The following PRKAG2 variants were observed in gnomAD, a reference collection of about 807,000 sequenced individuals.
The protein encoded by PRKAG2 is protein kinase AMP-activated non-catalytic subunit gamma 2, also known as 5'-AMP-activated protein kinase subunit gamma-2.
PRKAG2 carries 26 observed loss-of-function variants against 69.6 expected under a neutral mutation model. The observed-to-expected ratio is 0.37, with a 90% CI of 0.27 to 0.52. PRKAG2 has a LOEUF of 0.52. Ranked by LOEUF, PRKAG2 falls within the 20% of genes least tolerant of loss-of-function variation. PRKAG2 has a pLI of 0.90. For synonymous variants in PRKAG2, 293 were observed against 285.0 expected, an observed-to-expected ratio of 1.03 and a Z score of -0.28; for missense variants, 557 against 740.0, an observed-to-expected ratio of 0.75 and a Z score of 2.87.
At chr7:151,691,484 T>TAA (rs56411327) in intron 3 of PRKAG2, among the ~76,000 whole-genome samples, 3 of 137,920 alleles carry the variant, frequency 2.2e-5, no homozygotes, top group African/African-American at 5.3e-5. Flanking sequence ...AAAAACTCAG[T>TAA]AAAAAAAAAA....
chr7:151,852,192 G>A (rs553804853), intron 1 of PRKAG2, among the ~76,000 whole-genome samples: 2 of 152,280 alleles, frequency 1.3e-5, no homozygotes, highest in African/African-American at 4.8e-5. Flanking sequence ...GGCTAGGGGG[G>A]ACAGAACCCT....
intron 1 of PRKAG2, among the ~76,000 whole-genome samples, chr7:151,846,265 C>T (rs998773518): frequency 1.3e-4 from 20 of 152,066 alleles, no homozygotes; most frequent in Non-Finnish European, 2.4e-4. Context: ...GTCAGGAGTT[C>T]GAGACCAGTC....
At chr7:151,725,478 C>T (rs760567525) in intron 3 of PRKAG2, among the ~76,000 whole-genome samples, 3 of 150,706 alleles carry the variant, frequency 2.0e-5, no homozygotes, top group Non-Finnish European at 2.9e-5. Flanking sequence ...CAGCCACGTG[C>T]GTGTACTTAA....
intron 5 of PRKAG2, among the ~76,000 whole-genome samples, chr7:151,605,909 G>A (rs1209410520): frequency 1.4e-5 from 2 of 141,570 alleles, no homozygotes; most frequent in African/African-American, 2.7e-5. Context: ...CTGCACTCCA[G>A]CCTGGCGACA....
chr7:151,644,580 T>G (rs1255918625), intron 4 of PRKAG2, among the ~76,000 whole-genome samples: 1 of 152,222 alleles, frequency 6.6e-6, no homozygotes, highest in Non-Finnish European at 1.5e-5. Context: ...TTTTGTCTAT[T>G]CATTCACCAG....
intron 15 of PRKAG2, 45 bp downstream of exon 15, chr7:151,560,479 C>T (rs1261439415): frequency 1.2e-6 from 2 of 1,613,854 alleles, no homozygotes; most frequent in Admixed American, 3.3e-5. Context: ...CTACCTCCCA[C>T]CCTTCCTAGA....
chr7:151,565,201 G>T, intron 13 of PRKAG2, 145 bp downstream of exon 13: 1 of 599,668 alleles, frequency 1.7e-6, no homozygotes, highest in Non-Finnish European at 2.7e-6. Flanking sequence ...TACTATAGAA[G>T]GTCTATAAAA....
intron 1 of PRKAG2, among the ~76,000 whole-genome samples, chr7:151,837,747 G>T (rs1298914373): frequency 1.3e-5 from 2 of 152,122 alleles, no homozygotes; most frequent in African/African-American, 2.4e-5. Context: ...ATTAATCACT[G>T]TTTCTGGCTG....
chr7:151,654,942 C>T (rs1829170427), intron 4 of PRKAG2, among the ~76,000 whole-genome samples: 1 of 152,218 alleles, frequency 6.6e-6, no homozygotes, highest in African/African-American at 2.4e-5. Context: ...ATCCACCCAC[C>T]TTGGCCTCTC....
chr7:151,564,381 G>T, intron 13 of PRKAG2, 157 bp from the exon 14 acceptor site: 1 of 703,602 alleles, frequency 1.4e-6, no homozygotes, highest in Non-Finnish European at 2.4e-6. Flanking sequence ...CTTACGACAT[G>T]CCATTGCTAC....
chr7:151,853,654 G>A (rs367957477), intron 1 of PRKAG2, among the ~76,000 whole-genome samples: 14 of 151,808 alleles, frequency 9.2e-5, no homozygotes, highest in Admixed American at 5.3e-4. Flanking sequence ...CAGCTACTCC[G>A]GAGGCTGAGG....
At chr7:151,868,519 T>G (rs918756285) in intron 1 of PRKAG2, among the ~76,000 whole-genome samples, 3 of 152,228 alleles carry the variant, frequency 2.0e-5, no homozygotes, top group Non-Finnish European at 4.4e-5. Context: ...ACGTCACAGC[T>G]CAGCTGCCCA....
At chr7:151,813,978 G>A (rs1209784063) in intron 1 of PRKAG2, among the ~76,000 whole-genome samples, 1 of 152,158 alleles carries the variant, frequency 6.6e-6, no homozygotes, top group African/African-American at 2.4e-5. Context: ...GCAAGGCCAG[G>A]CAAAGAATGA....
intron 1 of PRKAG2, among the ~76,000 whole-genome samples, chr7:151,787,692 C>A (rs2151818564): frequency 6.6e-6 from 1 of 151,654 alleles, no homozygotes. Context: ...TCCCTTCCCA[C>A]CAAAAAAAAT....
intron 4 of PRKAG2, among the ~76,000 whole-genome samples, chr7:151,643,270 C>A (rs911099298): frequency 6.6e-6 from 1 of 152,168 alleles, no homozygotes; most frequent in Non-Finnish European, 1.5e-5. Flanking sequence ...GTTCATCTAA[C>A]CTTTCAATTC....
intron 3 of PRKAG2, among the ~76,000 whole-genome samples, chr7:151,705,636 C>A (rs187623131): frequency 6.6e-6 from 1 of 152,188 alleles, no homozygotes; most frequent in African/African-American, 2.4e-5. Flanking sequence ...GAAAGCAATT[C>A]TATTTGTCCA....
At chr7:151,761,587 C>T (rs925559931) in intron 3 of PRKAG2, among the ~76,000 whole-genome samples, 3 of 152,158 alleles carry the variant, frequency 2.0e-5, no homozygotes, top group Non-Finnish European at 4.4e-5. Flanking sequence ...AGTCCCTGCC[C>T]GCCAAACTAT....
At chr7:151,646,565 G>A (rs1003113162) in intron 4 of PRKAG2, among the ~76,000 whole-genome samples, 4 of 152,002 alleles carry the variant, frequency 2.6e-5, no homozygotes, top group African/African-American at 4.8e-5. Context: ...AAGTTCTAGT[G>A]GTAATTTTGT....
intron 5 of PRKAG2, among the ~76,000 whole-genome samples, chr7:151,601,930 G>T (rs1017540776): frequency 6.6e-6 from 1 of 152,192 alleles, no homozygotes; most frequent in Non-Finnish European, 1.5e-5. Flanking sequence ...GAATAGCAGC[G>T]GCTGTCAGGG....
Sources: gnomAD v4.1 joint callset for allele counts (sites outside exome capture counted in the v4.1 genomes callset) on GRCh38, gnomAD v4.1.1 for gene constraint, MANE v1.5 for transcripts, NCBI Gene and HGNC (gene_info 2026-07-23, HGNC 2026-07-21) for gene names.